The following CELF4 variants were observed in gnomAD, a reference collection of about 807,000 sequenced individuals.
The protein encoded by CELF4 is CUG-BP- and ETR-3-like factor 4.
CELF4 carries 18 observed loss-of-function variants against 59.9 expected under a neutral mutation model. That is an observed-to-expected ratio of 0.30 (90% CI 0.21 to 0.45). The LOEUF (loss-of-function observed/expected upper bound fraction) is 0.45. Ranked by LOEUF, CELF4 falls within the 20% of genes least tolerant of loss-of-function variation. The pLI, the probability that CELF4 is intolerant of heterozygous loss-of-function variation, is 1.00. For missense variants in CELF4, 456 were observed against 689.0 expected (o/e 0.66, Z 3.79); for synonymous variants, 261 against 267.1 (o/e 0.98, Z 0.22).
chr18:37,325,012 G>A (rs1052941145), intron 2 of CELF4, among the ~76,000 whole-genome samples: 1 of 152,174 alleles, frequency 6.6e-6, no homozygotes, highest in South Asian at 2.1e-4. Flanking sequence ...TCCAAGCAGA[G>A]GCCAGGAGTG....
At chr18:37,364,113 G>A (rs2098745012) in intron 2 of CELF4, among the ~76,000 whole-genome samples, 1 of 152,192 alleles carries the variant, frequency 6.6e-6, no homozygotes, top group African/African-American at 2.4e-5. Context: ...AAATGGGAAT[G>A]TTTCCAGGGG....
chr18:37,309,065 A>C (rs2032199308), intron 3 of CELF4, among the ~76,000 whole-genome samples: 1 of 151,884 alleles, frequency 6.6e-6, no homozygotes, highest in African/African-American at 2.4e-5. Flanking sequence ...CCTACTACCC[A>C]CCCATGCCAA....
intron 1 of CELF4, among the ~76,000 whole-genome samples, chr18:37,505,097 G>A (rs1387383984): frequency 2.6e-5 from 4 of 151,088 alleles, no homozygotes; most frequent in Non-Finnish European, 5.9e-5. Flanking sequence ...GAGAAGCAGG[G>A]GCAGGGGGCA....
intron 2 of CELF4, among the ~76,000 whole-genome samples, chr18:37,365,446 A>G (rs1213506847): frequency 7.0e-6 from 1 of 143,706 alleles, no homozygotes; most frequent in Non-Finnish European, 1.5e-5. Context: ...CAGAGGAGAG[A>G]ATTTCTTCAC....
At chr18:37,374,010 G>A (rs1003932804) in intron 2 of CELF4, among the ~76,000 whole-genome samples, 6 of 152,212 alleles carry the variant, frequency 3.9e-5, no homozygotes, top group Admixed American at 2.6e-4. Context: ...TGAAAAATCC[G>A]AAGGATAATG....
chr18:37,257,901 G>C (rs1307659772), intron 11 of CELF4, among the ~76,000 whole-genome samples: 3 of 152,184 alleles, frequency 2.0e-5, no homozygotes, highest in Non-Finnish European at 4.4e-5. Flanking sequence ...GGGCAACAAG[G>C]AGGAGTGGAG....
intron 3 of CELF4, among the ~76,000 whole-genome samples, chr18:37,315,651 T>C (rs376981520): frequency 1.2e-3 from 188 of 152,266 alleles, no homozygotes; most frequent in African/African-American, 4.3e-3. Context: ...CATGCACTCA[T>C]GGTCACTGAC....
At chr18:37,335,225 G>A (rs2097723630) in intron 2 of CELF4, among the ~76,000 whole-genome samples, 2 of 152,050 alleles carry the variant, frequency 1.3e-5, no homozygotes, top group African/African-American at 2.4e-5. Flanking sequence ...AATAAGCATC[G>A]ATCACGGCCC....
intron 1 of CELF4, among the ~76,000 whole-genome samples, chr18:37,538,142 A>G (rs2099975109): frequency 2.0e-5 from 3 of 152,082 alleles, no homozygotes; most frequent in African/African-American, 7.2e-5. Flanking sequence ...GCGGGGTGGG[A>G]GGGCGGCCTC....
intron 2 of CELF4, among the ~76,000 whole-genome samples, chr18:37,468,472 T>G (rs986286641): frequency 2.6e-5 from 4 of 152,102 alleles, no homozygotes; most frequent in Non-Finnish European, 4.4e-5. Context: ...CCCCTCTACC[T>G]GCCTCCCAAG....
chr18:37,461,867 G>A (rs1006171075), intron 2 of CELF4, among the ~76,000 whole-genome samples: 2 of 152,362 alleles, frequency 1.3e-5, no homozygotes, highest in Middle Eastern at 3.4e-3. Context: ...GGCCACATGG[G>A]TGCTCTGGTT....
chr18:37,294,754 G>T, intron 3 of CELF4, among the ~76,000 whole-genome samples: 1 of 152,156 alleles, frequency 6.6e-6, no homozygotes, highest in Non-Finnish European at 1.5e-5. Context: ...CGTTTCATTT[G>T]TCCACCTGAG....
chr18:37,348,310 GCCT>G (rs1163145777), intron 2 of CELF4, among the ~76,000 whole-genome samples: 1 of 152,152 alleles, frequency 6.6e-6, no homozygotes, highest in Non-Finnish European at 1.5e-5. Flanking sequence ...CCCCTGAAAA[GCCT>G]CCTGGGCCAG....
chr18:37,263,234 C>T (rs770817623), intron 10 of CELF4, among the ~76,000 whole-genome samples: 36 of 152,262 alleles, frequency 2.4e-4, no homozygotes, highest in Non-Finnish European at 4.0e-4. Context: ...GTGCCAGAGT[C>T]CCACCCAAAA....
rs1555686154 is a variant in CELF4 at position 37,565,697 on chromosome 18, T to TCTAG, written c.-57_-56insCTAG. ...TCGCTCACACTCTCTCGCTCCTCTCTCTCGCTCGCTCGCGCTCACACACGC... is the reference window on the plus strand; with the variant it reads ...TCGCTCACACTCTCTCGCTCCTCTCTCTAGCTCGCTCGCTCGCGCTCACACACGC... On this transcript the variant is annotated 5_prime_UTR_variant, in exon 1 of 13. Transcript: ENST00000420428. 3.1e-6 allele frequency: 4 copies of TCTAG among 1,286,150 alleles called. No individual in the cohort carries two copies. The highest frequency in any genetic ancestry group is 4.2e-6 in the Non-Finnish European group (4 of 956,350). 79.7% of individuals were successfully genotyped at this position (1,286,150 alleles called of 1,614,324 possible).
intron 2 of CELF4, among the ~76,000 whole-genome samples, chr18:37,415,231 C>T (rs779191480): frequency 2.0e-5 from 3 of 152,208 alleles, no homozygotes; most frequent in Non-Finnish European, 4.4e-5. Flanking sequence ...GGCAGGGGCC[C>T]TCTCTGTGGT....
intron 2 of CELF4, among the ~76,000 whole-genome samples, chr18:37,448,772 G>T (rs758651443): frequency 6.6e-6 from 1 of 152,242 alleles, no homozygotes; most frequent in African/African-American, 2.4e-5. Flanking sequence ...TCAGCCCACT[G>T]CCTGGTTCCT....
chr18:37,345,043 T>C (rs1461567039), intron 2 of CELF4, among the ~76,000 whole-genome samples: 1 of 152,170 alleles, frequency 6.6e-6, no homozygotes, highest in Non-Finnish European at 1.5e-5. Context: ...TAGAATGTGC[T>C]GGGGTGGAGA....
intron 3 of CELF4, among the ~76,000 whole-genome samples, chr18:37,307,460 C>G (rs1016519145): frequency 6.6e-6 from 1 of 152,144 alleles, no homozygotes; most frequent in Non-Finnish European, 1.5e-5. Context: ...AGTGAATTCT[C>G]TCTATAAATC....
Sources: gnomAD v4.1 joint callset for allele counts (sites outside exome capture counted in the v4.1 genomes callset) on GRCh38, gnomAD v4.1.1 for gene constraint, MANE v1.5 for transcripts, NCBI Gene and HGNC (gene_info 2026-07-23, HGNC 2026-07-21) for gene names.